The following DCC variants were observed in gnomAD, a reference collection of about 807,000 sequenced individuals.
DCC encodes the protein netrin receptor DCC.
Under a neutral mutation model 172.5 loss-of-function variants are expected in DCC, and 58 were observed. The ratio of observed to expected loss-of-function variants is 0.34; its 90% CI spans 0.27 to 0.42. The LOEUF is 0.42. Among genes scored for constraint, DCC ranks in the 10% least tolerant of loss-of-function variants. The probability of loss-of-function intolerance (pLI) is 1.00; values close to 1 mark genes in which losing one functional copy is unlikely to be tolerated. For missense variants in DCC, 1,740 were observed against 1,791.0 expected, an observed-to-expected ratio of 0.97 and a Z score of 0.51; for synonymous variants, 709 against 644.5, an observed-to-expected ratio of 1.10 and a Z score of -1.52.
At chr18:53,240,972 C>A (rs988140890) in intron 12 of DCC, among the ~76,000 whole-genome samples, 1 of 152,066 alleles carries the variant, frequency 6.6e-6, no homozygotes, top group East Asian at 1.9e-4. Flanking sequence ...GCTCTTGGTG[C>A]AGAAGAGCCA....
At position 52,563,895 on chromosome 18, in the gene DCC, A is replaced by C. The variant is rs530674457; in HGVS notation, c.92-188159A>C. On this transcript the variant is annotated intron_variant, in intron 1 of 28. Coordinates refer to ENST00000442544, the MANE Select transcript of DCC (RefSeq NM_005215.4). ...CCCCTTAGTAGGGTTCTGTGCCAAAATCCCTGAGTCTCACCCACTGTGTTC... is the reference window on the plus strand; with the variant it reads ...CCCCTTAGTAGGGTTCTGTGCCAAACTCCCTGAGTCTCACCCACTGTGTTC... 5.9e-5 allele frequency among the ~76,000 whole-genome samples: 9 copies of C among 152,248 alleles called. No homozygotes were observed. The East Asian group carries it at 1.7e-3, about 29-fold the overall frequency.
At chr18:52,512,737 A>T (rs2031487437) in intron 1 of DCC, among the ~76,000 whole-genome samples, 1 of 152,184 alleles carries the variant, frequency 6.6e-6, no homozygotes, top group Admixed American at 6.5e-5. Context: ...GTAGAACATC[A>T]AGGTATGATA....
intron 12 of DCC, among the ~76,000 whole-genome samples, chr18:53,276,318 G>A (rs1465802505): frequency 6.6e-6 from 1 of 152,014 alleles, no homozygotes; most frequent in Non-Finnish European, 1.5e-5. Context: ...AAATCCCCAT[G>A]GACAAATATG....
intron 12 of DCC, among the ~76,000 whole-genome samples, chr18:53,265,310 C>T (rs1417212209): frequency 6.6e-6 from 1 of 152,068 alleles, no homozygotes; most frequent in Non-Finnish European, 1.5e-5. Flanking sequence ...GCCTCTAAGA[C>T]ATTAGAGGAG....
At position 53,476,095 on chromosome 18, in the gene DCC, C is replaced by T. The variant is rs113085997; in HGVS notation, c.3736+8085C>T. Among the ~76,000 whole-genome samples, 1,356 of 152,214 alleles carry T rather than the reference C, an allele frequency of 8.9e-3. 17 individuals carry two copies. Among genetic ancestry groups the T allele is most frequent in the African/African-American group, 0.029 (1,190 of 41,516 alleles). On this transcript the variant is annotated intron_variant, in intron 25 of 28. Coordinates refer to ENST00000442544, the MANE Select transcript of DCC (RefSeq NM_005215.4). Reference sequence around the variant, plus strand: ...TTTGGTTAATTTATCCCATTTGGAACGGCTGTATTTACCAAATGCCTGTAA... The same window carrying T: ...TTTGGTTAATTTATCCCATTTGGAATGGCTGTATTTACCAAATGCCTGTAA...
At chr18:53,489,418 C>G (rs1270898297) in intron 26 of DCC, among the ~76,000 whole-genome samples, 2 of 152,150 alleles carry the variant, frequency 1.3e-5, no homozygotes, top group African/African-American at 4.8e-5. Flanking sequence ...AAACAATTAA[C>G]TAACTTCCCA....
At chr18:52,401,075 C>T (rs1225568978) in intron 1 of DCC, among the ~76,000 whole-genome samples, 5 of 151,868 alleles carry the variant, frequency 3.3e-5, no homozygotes, top group African/African-American at 1.2e-4. Context: ...GCACGTTCTG[C>T]ACATGTATCC....
chr18:53,381,064 A>C (rs967690830), intron 15 of DCC, among the ~76,000 whole-genome samples: 2 of 152,172 alleles, frequency 1.3e-5, no homozygotes, highest in African/African-American at 4.8e-5. Context: ...TTTGGTAGGT[A>C]TCAATATTAG....
chr18:53,497,044 T>C (rs1400359717), intron 26 of DCC, among the ~76,000 whole-genome samples: 1 of 152,242 alleles, frequency 6.6e-6, no homozygotes, highest in Non-Finnish European at 1.5e-5. Context: ...TAGAGAGAAT[T>C]ATTTAAGGCA....
rs1033190148 is a variant in DCC, at chr18:53,504,914, T to G, written c.4111+5404T>G. On this transcript the variant is annotated intron_variant, in intron 27 of 28. Transcript: ENST00000442544. ...ATGTAAAGAATTTGGAGAAATGTTT[T>G]TTTGTTTGTTTGTTTGTTTTTTTAA... Among the ~76,000 whole-genome samples, 10 of 152,256 alleles carry G rather than the reference T, an allele frequency of 6.6e-5. No homozygotes were observed. The East Asian group carries it at 1.4e-3, about 21-fold the overall frequency.
intron 27 of DCC, among the ~76,000 whole-genome samples, chr18:53,502,522 A>G (rs1238183240): frequency 6.6e-6 from 1 of 152,216 alleles, no homozygotes; most frequent in Non-Finnish European, 1.5e-5. Flanking sequence ...AGACTTAAAG[A>G]TGAAATACTT....
At chr18:53,335,597 A>G (rs1221477053) in intron 14 of DCC, among the ~76,000 whole-genome samples, 3 of 152,206 alleles carry the variant, frequency 2.0e-5, no homozygotes, top group East Asian at 3.8e-4. Flanking sequence ...ACAGAAAATA[A>G]CATGTTCTTT....
At chr18:53,058,115 C>T (rs1568276072) in intron 5 of DCC, among the ~76,000 whole-genome samples, 1 of 152,070 alleles carries the variant, frequency 6.6e-6, no homozygotes, top group Non-Finnish European at 1.5e-5. Flanking sequence ...AGAAATATAT[C>T]CATGGCCATT....
At chr18:52,579,546 G>A (rs1022835431) in intron 1 of DCC, among the ~76,000 whole-genome samples, 11 of 152,154 alleles carry the variant, frequency 7.2e-5, no homozygotes, top group Admixed American at 5.2e-4. Context: ...ATGTGTGTGT[G>A]TGTGCTTCTG....
At chr18:52,905,956 C>A in intron 2 of DCC, 88 bp from the exon 3 acceptor site, 1 of 941,178 alleles carries the variant, frequency 1.1e-6, no homozygotes, top group Non-Finnish European at 1.7e-6. Flanking sequence ...ATATAATTTT[C>A]TACAAAGAAT....
chr18:52,517,901 T>G (rs965558430), intron 1 of DCC, among the ~76,000 whole-genome samples: 49 of 152,210 alleles, frequency 3.2e-4, no homozygotes, highest in African/African-American at 1.0e-3. Flanking sequence ...TGTAGTTCAT[T>G]CATTCTCATT....
intron 1 of DCC, among the ~76,000 whole-genome samples, chr18:52,342,620 G>C (rs547394848): frequency 1.3e-5 from 2 of 152,170 alleles, no homozygotes; most frequent in East Asian, 1.9e-4. Flanking sequence ...CTATGCGGAC[G>C]GGAAAGGGGA....
intron 1 of DCC, among the ~76,000 whole-genome samples, chr18:52,723,021 G>A (rs115998908): frequency 2.5e-3 from 377 of 152,272 alleles, no homozygotes; most frequent in African/African-American, 8.2e-3. Flanking sequence ...GAATTTGAGA[G>A]CATAGCTCTA....
At chr18:52,762,061 G>C (rs952704001) in intron 2 of DCC, among the ~76,000 whole-genome samples, 1 of 152,146 alleles carries the variant, frequency 6.6e-6, no homozygotes, top group African/African-American at 2.4e-5. Flanking sequence ...AATTGGGCCA[G>C]ATGGAGCTAT....
Sources: gnomAD v4.1 joint callset for allele counts (sites outside exome capture counted in the v4.1 genomes callset) on GRCh38, gnomAD v4.1.1 for gene constraint, MANE v1.5 for transcripts, NCBI Gene and HGNC (gene_info 2026-07-23, HGNC 2026-07-21) for gene names.